The following GLI3 variants were observed in gnomAD, a reference collection of about 807,000 sequenced individuals.
GLI3 encodes the protein GLI family zinc finger 3, also known as transcription activator GLI3.
In GLI3, 20 loss-of-function variants were observed where a neutral mutation model predicts 100.8. That is an observed-to-expected ratio of 0.20 (90% CI 0.14 to 0.29). The LOEUF (loss-of-function observed/expected upper bound fraction) is 0.29. GLI3 is among the 10% of genes least tolerant of loss of function. The pLI is 1.00. For missense variants in GLI3, 2,040 were observed against 2,128.5 expected (o/e 0.96, Z 0.82); for synonymous variants, 938 against 860.5 (o/e 1.09, Z -1.58).
At chr7:42,146,748 G>T (rs1464456187) in intron 3 of GLI3, among the ~76,000 whole-genome samples, 1 of 152,124 alleles carries the variant, frequency 6.6e-6, no homozygotes, top group Non-Finnish European at 1.5e-5. Flanking sequence ...TTTTCTGCAT[G>T]GATGATGTTT....
At chr7:42,009,576 A>G (rs1375113219) in intron 10 of GLI3, among the ~76,000 whole-genome samples, 2 of 150,880 alleles carry the variant, frequency 1.3e-5, no homozygotes, top group East Asian at 1.9e-4. Flanking sequence ...TTGCCACTCA[A>G]CTGGCCTCTG....
intron 10 of GLI3, among the ~76,000 whole-genome samples, chr7:41,986,329 T>A (rs896882542): frequency 1.3e-5 from 2 of 152,166 alleles, no homozygotes; most frequent in East Asian, 1.9e-4. Flanking sequence ...ACAAGGTAGA[T>A]GTTTTATCTG....
rs192502687 is a variant in GLI3, at chr7:41,989,057, C to T, written c.1498-10309G>A. Among the ~76,000 whole-genome samples the T allele has an allele frequency of 2.1e-3, 321 of 152,246 alleles. 1 individual carries two copies. Among genetic ancestry groups the T allele is most frequent in the African/African-American group, 7.7e-3 (319 of 41,548 alleles). ...TTACTGAGCAGATTTAATTTTATAC[C>T]ATATCCTTTTAAATATCGACTTTGT... is the stretch of plus-strand genomic sequence containing the variant. On this transcript the variant is annotated intron_variant, in intron 10 of 14. Transcript: ENST00000395925.
chr7:42,006,166 C>T (rs1434257179), intron 10 of GLI3, among the ~76,000 whole-genome samples: 1 of 152,186 alleles, frequency 6.6e-6, no homozygotes, highest in African/African-American at 2.4e-5. Context: ...TACCCGAGCT[C>T]GAAGGGCAAC....
chr7:42,261,740 C>T (rs941342537), intron 1 of GLI3, among the ~76,000 whole-genome samples: 1 of 152,106 alleles, frequency 6.6e-6, no homozygotes, highest in African/African-American at 2.4e-5. Flanking sequence ...TTATAGGTGC[C>T]CTGCAAAGAG....
chr7:42,146,215 T>A (rs1012483812), intron 3 of GLI3, among the ~76,000 whole-genome samples: 13 of 152,144 alleles, frequency 8.5e-5, no homozygotes, highest in Non-Finnish European at 1.9e-4. Flanking sequence ...TAACGAATAA[T>A]CCACTATGAA....
intron 3 of GLI3, among the ~76,000 whole-genome samples, chr7:42,112,971 G>C (rs537226953): frequency 1.3e-5 from 2 of 152,106 alleles, no homozygotes; most frequent in African/African-American, 4.8e-5. Context: ...TCAGGAGTTC[G>C]AGACCAGCCT....
intron 10 of GLI3, among the ~76,000 whole-genome samples, chr7:41,998,733 CACCTCTACATT>C (rs1788201580): frequency 6.6e-6 from 1 of 152,212 alleles, no homozygotes; most frequent in Admixed American, 6.5e-5. Context: ...TGGATATTTT[CACCTCTACATT>C]ACTCACCAAA....
chr7:41,997,560 T>G (rs1448545551), intron 10 of GLI3, among the ~76,000 whole-genome samples: 1 of 152,210 alleles, frequency 6.6e-6, no homozygotes, highest in African/African-American at 2.4e-5. Flanking sequence ...TAATAGAAAT[T>G]TAAAAATAAA....
rs559579130 is a variant in GLI3, at chr7:42,026,427, TA to T, written c.1029-16del. 7 of 1,602,290 alleles carry T rather than the reference TA, an allele frequency of 4.4e-6. No homozygotes were observed. Among genetic ancestry groups the T allele is most frequent in the African/African-American group, 1.3e-5 (1 of 74,624 alleles). ...TCAAGGCAGGGCTGCACGGGGGAGA[TA>T]AAAAAAGACGATCATCACTTAAACG... On this transcript the variant is annotated splice_polypyrimidine_tract_variant and intron_variant, in intron 7 of 14. Transcript: ENST00000395925.
At chr7:42,076,069 A>G (rs1207480642) in intron 4 of GLI3, among the ~76,000 whole-genome samples, 2 of 152,252 alleles carry the variant, frequency 1.3e-5, no homozygotes. Context: ...TCCAATTATT[A>G]TGGTACATGA....
At chr7:42,233,845 G>A (rs1368199679) in intron 1 of GLI3, among the ~76,000 whole-genome samples, 1 of 152,162 alleles carries the variant, frequency 6.6e-6, no homozygotes, top group Non-Finnish European at 1.5e-5. Flanking sequence ...ACAACCTGAA[G>A]TCATTATTAG....
At chr7:42,086,808 G>A (rs1203798931) in intron 3 of GLI3, among the ~76,000 whole-genome samples, 2 of 152,126 alleles carry the variant, frequency 1.3e-5, no homozygotes, top group Non-Finnish European at 2.9e-5. Context: ...ACTTGGACCC[G>A]CATCATGTCC....
At chr7:42,027,028 G>A (rs1038472274) in intron 7 of GLI3, among the ~76,000 whole-genome samples, 2 of 152,204 alleles carry the variant, frequency 1.3e-5, no homozygotes, top group Non-Finnish European at 1.5e-5. Flanking sequence ...AATGGGCTTC[G>A]ATGGAGGAAT....
intron 10 of GLI3, among the ~76,000 whole-genome samples, chr7:41,994,648 T>C (rs1788075722): frequency 6.6e-6 from 1 of 152,218 alleles, no homozygotes; most frequent in Non-Finnish European, 1.5e-5. Flanking sequence ...ATTTGAGCCA[T>C]TTCTGCAATT....
intron 1 of GLI3, among the ~76,000 whole-genome samples, chr7:42,233,036 A>G (rs140114891): frequency 3.9e-5 from 6 of 152,336 alleles, no homozygotes; most frequent in South Asian, 2.1e-4. Flanking sequence ...AAGTGCCATA[A>G]AACAATTGAG....
chr7:42,140,842 C>T (rs1786551340), intron 3 of GLI3, among the ~76,000 whole-genome samples: 1 of 152,070 alleles, frequency 6.6e-6, no homozygotes, highest in Admixed American at 6.6e-5. Context: ...ATAATGTTGC[C>T]TCTATTAAGA....
chr7:41,987,083 TACACAGACACAG>T (rs200962884), intron 10 of GLI3, among the ~76,000 whole-genome samples: 1 of 130,082 alleles, frequency 7.7e-6, no homozygotes, highest in African/African-American at 3.0e-5. Flanking sequence ...TGCTACAACA[TACACAGACACAG>T]ACACAGACAC....
chr7:42,177,264 T>C (rs1487667607), intron 2 of GLI3, among the ~76,000 whole-genome samples: 3 of 152,126 alleles, frequency 2.0e-5, no homozygotes, highest in Non-Finnish European at 4.4e-5. Flanking sequence ...TATCCCCTGA[T>C]GCAGAGTGGG....
Sources: allele counts gnomAD v4.1 joint callset (sites outside exome capture counted in the v4.1 genomes callset), GRCh38; gene constraint gnomAD v4.1.1; transcripts MANE v1.5; gene names NCBI Gene and HGNC (gene_info 2026-07-23, HGNC 2026-07-21).